PCBP3: variants seen among roughly 807,000 people sequenced by gnomAD.
PCBP3 encodes poly(rC) binding protein 3.
A neutral mutation model predicts 52.7 loss-of-function variants in PCBP3; 25 were observed. The ratio of observed to expected loss-of-function variants is 0.47; its 90% CI spans 0.35 to 0.66. PCBP3 has a LOEUF of 0.66. Ranked by LOEUF, PCBP3 falls within the 30% of genes least tolerant of loss-of-function variation. The pLI is 0.01. For missense variants in PCBP3, 391 were observed against 490.3 expected (o/e 0.80, Z 1.91); for synonymous variants, 162 against 183.0 (o/e 0.89, Z 0.93).
chr21:45,726,827 T>C (rs1316442866), intron 2 of PCBP3, among the ~76,000 whole-genome samples: 1 of 152,250 alleles, frequency 6.6e-6, no homozygotes, highest in Non-Finnish European at 1.5e-5. Context: ...TATATTTTCT[T>C]TGAAGTACCT....
chr21:45,718,945 G>A (rs553698590), intron 2 of PCBP3, among the ~76,000 whole-genome samples: 1 of 152,284 alleles, frequency 6.6e-6, no homozygotes, highest in East Asian at 1.9e-4. Flanking sequence ...GAACAGCAGT[G>A]GAGAGCTGCC....
intron 2 of PCBP3, among the ~76,000 whole-genome samples, chr21:45,726,293 G>A (rs978825288): frequency 6.6e-6 from 1 of 152,094 alleles, no homozygotes; most frequent in Non-Finnish European, 1.5e-5. Context: ...GGAGAGCAGG[G>A]GCAAGGAGAT....
chr21:45,920,037 G>A lies in PCBP3; in HGVS notation c.717+2408G>A, dbSNP rs185006123. 4.2e-3 allele frequency among the ~76,000 whole-genome samples: 542 copies of A among 128,028 alleles called. 3 individuals are homozygous for A. The highest frequency in any genetic ancestry group is 0.018 in the African/African-American group (528 of 29,202). 84.0% of individuals were successfully genotyped at this position (128,028 alleles called of 152,430 possible). On this transcript the variant is annotated intron_variant, in intron 13 of 17. Coordinates refer to ENST00000681687, the MANE Select transcript of PCBP3 (RefSeq NM_001384156.1). ...CATCTAGAGATGCACGTGTGCAGAG[G>A]CAGGTTCCAAAGGGGGGGTCACTTG...
intron 13 of PCBP3, among the ~76,000 whole-genome samples, chr21:45,926,919 A>G (rs1053059053): frequency 1.3e-5 from 2 of 152,210 alleles, no homozygotes; most frequent in African/African-American, 4.8e-5. Context: ...GAGAGCGGGG[A>G]GAAGATCTGT....
intron 2 of PCBP3, among the ~76,000 whole-genome samples, chr21:45,686,628 A>G (rs561354896): frequency 6.6e-6 from 1 of 152,320 alleles, no homozygotes; most frequent in Admixed American, 6.5e-5. Context: ...CTGTCCAAAC[A>G]AGGATCTTAA....
At chr21:45,700,134 G>T (rs1440560031) in intron 2 of PCBP3, among the ~76,000 whole-genome samples, 1 of 152,190 alleles carries the variant, frequency 6.6e-6, no homozygotes, top group Admixed American at 6.5e-5. Flanking sequence ...GGGAGGCTCT[G>T]CAATAGCAGG....
At chr21:45,932,938 C>T (rs1050194171) in intron 15 of PCBP3, among the ~76,000 whole-genome samples, 2 of 152,076 alleles carry the variant, frequency 1.3e-5, no homozygotes, top group Non-Finnish European at 2.9e-5. Context: ...TGAATGAACA[C>T]ATCAGCCATG....
At chr21:45,849,550 T>C (rs1445792498) in intron 4 of PCBP3, among the ~76,000 whole-genome samples, 1 of 152,178 alleles carries the variant, frequency 6.6e-6, no homozygotes, top group Non-Finnish European at 1.5e-5. Context: ...AAGACCATGC[T>C]GAAATTGAAG....
chr21:45,893,851 G>A (rs1252837520), intron 5 of PCBP3: 2 of 985,350 alleles, frequency 2.0e-6, no homozygotes, highest in Non-Finnish European at 2.4e-6. Flanking sequence ...TTGGATGCCA[G>A]TGGTCCGAGC....
At chr21:45,683,190 T>C (rs1236371225) in intron 2 of PCBP3, among the ~76,000 whole-genome samples, 1 of 152,214 alleles carries the variant, frequency 6.6e-6, no homozygotes. Flanking sequence ...GATTGAGACT[T>C]GATCACTGGA....
intron 11 of PCBP3, among the ~76,000 whole-genome samples, chr21:45,912,696 G>A (rs932405286): frequency 6.6e-6 from 1 of 152,202 alleles, no homozygotes; most frequent in Non-Finnish European, 1.5e-5. Flanking sequence ...GGGTCAGCTG[G>A]GAGCTCCTGT....
At chr21:45,896,011 G>A (rs2095815978) in intron 5 of PCBP3, among the ~76,000 whole-genome samples, 197 bp from the exon 6 acceptor site, 1 of 152,268 alleles carries the variant, frequency 6.6e-6, no homozygotes, top group Admixed American at 6.5e-5. Flanking sequence ...GGCCTCCCTG[G>A]AGACCTCTCC....
At chr21:45,723,140 G>A (rs553059696) in intron 2 of PCBP3, among the ~76,000 whole-genome samples, 3 of 152,292 alleles carry the variant, frequency 2.0e-5, no homozygotes, top group African/African-American at 7.2e-5. Context: ...GCACTTTTCT[G>A]TTCTTTCCAG....
rs1474537483 is a variant in PCBP3, at chr21:45,737,897, TC to T, written c.-162+2471del. ...AGCGGAGCTCATCTGAGTGGATGTTTCCCAGGGGAGCCAGTAGTTTTGGAAG... is the reference window on the plus strand; with the variant it reads ...AGCGGAGCTCATCTGAGTGGATGTTTCCAGGGGAGCCAGTAGTTTTGGAAG... On this transcript the variant is annotated intron_variant, in intron 3 of 17. Transcript: ENST00000681687. The surrounding 1 kb of genome is among the most constrained non-coding windows in gnomAD (Gnocchi z 4.9). Among the ~76,000 whole-genome samples, 1 of 152,224 alleles carries T rather than the reference TC, an allele frequency of 6.6e-6. No individual in the cohort carries two copies. The highest frequency in any genetic ancestry group is 1.5e-5 in the Non-Finnish European group (1 of 68,038).
chr21:45,685,478 A>G (rs1444647917), intron 2 of PCBP3, among the ~76,000 whole-genome samples: 1 of 152,246 alleles, frequency 6.6e-6, no homozygotes, highest in Non-Finnish European at 1.5e-5. Context: ...GCCTCTGCCC[A>G]TGGTGGAGTA....
chr21:45,657,042 C>T (rs189309111), intron 1 of PCBP3, among the ~76,000 whole-genome samples: 4 of 152,214 alleles, frequency 2.6e-5, no homozygotes, highest in Admixed American at 1.3e-4. Context: ...AGGATGGTCT[C>T]GCTCTCCTGA....
intron 2 of PCBP3, among the ~76,000 whole-genome samples, chr21:45,705,028 G>A (rs1014081200): frequency 2.0e-5 from 3 of 152,182 alleles, no homozygotes; most frequent in African/African-American, 7.2e-5. Flanking sequence ...AGTCTGTTGT[G>A]AGGGTCACCT....
chr21:45,717,277 C>T lies in PCBP3; in HGVS notation c.-199-18115C>T, dbSNP rs111533914. Among the ~76,000 whole-genome samples the T allele has an allele frequency of 7.8e-3, 1,190 of 152,096 alleles. 16 individuals carry two copies. The highest frequency in any genetic ancestry group is 0.026 in the African/African-American group (1,079 of 41,512). On this transcript the variant is annotated intron_variant, in intron 2 of 17. Coordinates refer to ENST00000681687, the MANE Select transcript of PCBP3 (RefSeq NM_001384156.1). ...TCTATATACAATATCATGTCATCTC[C>T]AAATAGAGATATTTGTATTTTTCCT...
intron 3 of PCBP3, among the ~76,000 whole-genome samples, chr21:45,748,367 T>C (rs2087102732): frequency 6.6e-6 from 1 of 152,190 alleles, no homozygotes. Context: ...CCTGTGTGAA[T>C]GGTGTCACAG....
Sources: gnomAD v4.1 joint callset for allele counts (sites outside exome capture counted in the v4.1 genomes callset) on GRCh38, gnomAD v4.1.1 for gene constraint, Gnocchi (gnomAD v3.1) non-coding constraint, MANE v1.5 for transcripts, NCBI Gene and HGNC (gene_info 2026-07-23, HGNC 2026-07-21) for gene names.